CCDC148: variants seen among roughly 807,000 people sequenced by gnomAD.
CCDC148 encodes the protein coiled-coil domain-containing protein 148.
In CCDC148, 89 loss-of-function variants were observed where a neutral mutation model predicts 85.7. The ratio of observed to expected loss-of-function variants is 1.04; its 90% CI spans 0.87 to 1.24. The LOEUF is 1.24. Ranked by LOEUF, CCDC148 falls within the 50% of genes most tolerant of loss-of-function variation. The pLI is 0.00. For synonymous variants in CCDC148, 230 were observed against 213.9 expected (o/e 1.08, Z -0.66); for missense variants, 692 against 671.7 (o/e 1.03, Z -0.33).
intron 9 of CCDC148, among the ~76,000 whole-genome samples, chr2:158,275,991 CA>C (rs71404401): frequency 0.064 from 9,199 of 143,288 alleles, 479 homozygotes; most frequent in African/African-American, 0.15. Flanking sequence ...TCTAATTTAT[CA>C]AAAAAAAAAA....
At chr2:158,435,598 T>TA (rs1324900242) in intron 1 of CCDC148, among the ~76,000 whole-genome samples, 1 of 152,152 alleles carries the variant, frequency 6.6e-6, no homozygotes, top group Non-Finnish European at 1.5e-5. Flanking sequence ...GCTAACATCA[T>TA]AATGACAGGA....
At position 158,285,616 on chromosome 2, in the gene CCDC148, C is replaced by T. The variant is rs112397368; in HGVS notation, c.1110+23817G>A. 4.5e-3 allele frequency among the ~76,000 whole-genome samples: 682 copies of T among 151,536 alleles called. 5 individuals carry two copies. Among genetic ancestry groups the T allele is most frequent in the African/African-American group, 0.015 (625 of 41,300 alleles). On this transcript the variant is annotated intron_variant, in intron 9 of 13. Transcript: ENST00000283233. ...TGCAATCTCGGCTCACTGCAAGGTC[C>T]GCCTCCCGGGTTCACACCATTCTCC...
At chr2:158,353,134 A>G (rs962992500) in intron 2 of CCDC148, among the ~76,000 whole-genome samples, 19 of 150,554 alleles carry the variant, frequency 1.3e-4, no homozygotes, top group Admixed American at 2.6e-4. Context: ...GCCAAAATGT[A>G]AAGACCATCG....
intron 10 of CCDC148, among the ~76,000 whole-genome samples, chr2:158,227,684 CT>C (rs1687622307): frequency 1.3e-5 from 2 of 152,116 alleles, no homozygotes; most frequent in South Asian, 4.1e-4. Flanking sequence ...TTTGACAAAC[CT>C]GACAAAAACA....
chr2:158,274,721 C>A (rs1689847115), intron 9 of CCDC148, among the ~76,000 whole-genome samples: 1 of 152,118 alleles, frequency 6.6e-6, no homozygotes, highest in South Asian at 2.1e-4. Flanking sequence ...AGCCATCCAA[C>A]AAGTTTATAG....
At chr2:158,331,272 G>C (rs6706615) in intron 7 of CCDC148, among the ~76,000 whole-genome samples, 25,627 of 152,154 alleles carry the variant, frequency 0.17, 3,483 homozygotes, top group African/African-American at 0.38. Flanking sequence ...GTACCCAGTA[G>C]TCATTCAGGA....
At chr2:158,394,828 A>C (rs1685457140) in intron 1 of CCDC148, among the ~76,000 whole-genome samples, 1 of 152,040 alleles carries the variant, frequency 6.6e-6, no homozygotes, top group Admixed American at 6.6e-5. Flanking sequence ...CTGACAACTA[A>C]GAAATTTTTC....
At chr2:158,188,577 T>C (rs563002617) in intron 11 of CCDC148, among the ~76,000 whole-genome samples, 5 of 152,108 alleles carry the variant, frequency 3.3e-5, no homozygotes, top group Middle Eastern at 6.8e-3. Context: ...CCTCTCACCA[T>C]ATATAAAAAT....
intron 9 of CCDC148, among the ~76,000 whole-genome samples, chr2:158,294,002 C>CTCCTTCCTTCCTTCCT (rs1185894027): frequency 3.9e-4 from 6 of 15,228 alleles, no homozygotes; most frequent in African/African-American, 1.9e-3. Context: ...CCCTCCCTCC[C>CTCCTTCCTTCCTTCCT]TCCTTCCTTC....
At position 158,253,798 on chromosome 2, in the gene CCDC148, G is replaced by A. The variant is rs377745733; in HGVS notation, c.1111-2886C>T. Among the ~76,000 whole-genome samples the A allele has an allele frequency of 2.6e-5, 4 of 151,634 alleles. No homozygotes were observed. In the East Asian group the frequency reaches 5.8e-4, roughly 22 times the overall value. On this transcript the variant is annotated intron_variant, in intron 9 of 13. Coordinates refer to ENST00000283233, the MANE Select transcript of CCDC148 (RefSeq NM_138803.4). ...AAAAATTTCATATTAACAATTAATG[G>A]GAAACTTTATAATGAATGGATCAAG... is the stretch of plus-strand genomic sequence containing the variant.
At chr2:158,223,962 T>C (rs952747285) in intron 10 of CCDC148, among the ~76,000 whole-genome samples, 25 of 152,266 alleles carry the variant, frequency 1.6e-4, no homozygotes, top group African/African-American at 5.5e-4. Context: ...GGAACAAAGC[T>C]GAATGGAGAA....
intron 10 of CCDC148, among the ~76,000 whole-genome samples, chr2:158,229,918 C>T (rs1014199170): frequency 6.6e-6 from 1 of 152,158 alleles, no homozygotes; most frequent in Admixed American, 6.6e-5. Context: ...TAGCAACTCG[C>T]TTTTTCCCAT....
intron 2 of CCDC148, among the ~76,000 whole-genome samples, chr2:158,357,356 A>G (rs947282256): frequency 6.6e-6 from 1 of 152,184 alleles, no homozygotes; most frequent in Admixed American, 6.5e-5. Context: ...TAGGCACATA[A>G]TAAATATTTA....
intron 11 of CCDC148, among the ~76,000 whole-genome samples, chr2:158,204,788 C>T (rs1336128949): frequency 6.6e-6 from 1 of 152,152 alleles, no homozygotes; most frequent in Non-Finnish European, 1.5e-5. Flanking sequence ...ATAACTTCAA[C>T]AAGAGGCCAA....
chr2:158,297,805 A>G (rs2105195810), intron 9 of CCDC148, among the ~76,000 whole-genome samples: 1 of 152,340 alleles, frequency 6.6e-6, no homozygotes, highest in African/African-American at 2.4e-5. Flanking sequence ...AAGTTGTTGC[A>G]TCACCAGTGA....
At chr2:158,399,928 A>G (rs1176713788) in intron 1 of CCDC148, among the ~76,000 whole-genome samples, 9 of 152,196 alleles carry the variant, frequency 5.9e-5, no homozygotes, top group Admixed American at 6.6e-5. Context: ...GAGCCAAATC[A>G]TAAGTGAACT....
chr2:158,389,483 C>G (rs954153621), intron 1 of CCDC148, among the ~76,000 whole-genome samples: 1 of 152,188 alleles, frequency 6.6e-6, no homozygotes, highest in Non-Finnish European at 1.5e-5. Context: ...TTTCAATTCT[C>G]AGTTCACATT....
At chr2:158,402,853 G>C (rs1474395046) in intron 1 of CCDC148, among the ~76,000 whole-genome samples, 1 of 152,054 alleles carries the variant, frequency 6.6e-6, no homozygotes, top group Non-Finnish European at 1.5e-5. Context: ...TTTCAAACTA[G>C]AGTAATATCT....
chr2:158,279,423 G>A (rs952319713), intron 9 of CCDC148, among the ~76,000 whole-genome samples: 2 of 152,212 alleles, frequency 1.3e-5, no homozygotes, highest in African/African-American at 2.4e-5. Context: ...ATACAGAGAA[G>A]TGCTTAAAGG....
Sources: gnomAD v4.1 joint callset for allele counts (sites outside exome capture counted in the v4.1 genomes callset) on GRCh38, gnomAD v4.1.1 for gene constraint, MANE v1.5 for transcripts, NCBI Gene and HGNC (gene_info 2026-07-23, HGNC 2026-07-21) for gene names.